The following CADM2 variants were observed in gnomAD, a reference collection of about 807,000 sequenced individuals.
CADM2 encodes immunoglobulin superfamily member 4D.
In CADM2, 12 loss-of-function variants were observed where a neutral mutation model predicts 49.8. The ratio of observed to expected loss-of-function variants is 0.24; its 90% CI spans 0.15 to 0.39. CADM2 has a LOEUF of 0.39. Ranked by LOEUF, CADM2 falls within the 10% of genes least tolerant of loss-of-function variation. The pLI is 1.00. For synonymous variants in CADM2, 214 were observed against 175.4 expected, an observed-to-expected ratio of 1.22 and a Z score of -1.74; for missense variants, 378 against 492.3, an observed-to-expected ratio of 0.77 and a Z score of 2.20.
At chr3:85,192,664 C>G (rs2041236324) in intron 1 of CADM2, among the ~76,000 whole-genome samples, 1 of 150,818 alleles carries the variant, frequency 6.6e-6, no homozygotes, top group African/African-American at 2.4e-5. Flanking sequence ...AAATGAAGAT[C>G]AATGTGAAAT....
chr3:85,353,642 A>T (rs2031570826), intron 1 of CADM2, among the ~76,000 whole-genome samples: 2 of 151,622 alleles, frequency 1.3e-5, no homozygotes, highest in Non-Finnish European at 1.5e-5. Context: ...TTTCTTAACA[A>T]CCACTCATGT....
At chr3:85,541,733 T>TTA (rs1388645950) in intron 1 of CADM2, among the ~76,000 whole-genome samples, 1 of 57,150 alleles carries the variant, frequency 1.7e-5, no homozygotes, top group African/African-American at 5.2e-5. Flanking sequence ...TATATATATT[T>TTA]TATATATATA....
At chr3:85,234,870 T>C (rs1227893470) in intron 1 of CADM2, among the ~76,000 whole-genome samples, 1 of 152,116 alleles carries the variant, frequency 6.6e-6, no homozygotes, top group Non-Finnish European at 1.5e-5. Flanking sequence ...TAAACAAATG[T>C]ATAAAACATA....
chr3:85,515,126 T>G (rs2060860752), intron 1 of CADM2, among the ~76,000 whole-genome samples: 1 of 152,196 alleles, frequency 6.6e-6, no homozygotes, highest in Admixed American at 6.5e-5. Flanking sequence ...AATCCTTTTG[T>G]AATCATCAGA....
chr3:85,942,571 GA>G (rs1412587483), intron 7 of CADM2, among the ~76,000 whole-genome samples: 3 of 149,024 alleles, frequency 2.0e-5, no homozygotes, highest in Non-Finnish European at 3.0e-5. Context: ...ACCTATGAGT[GA>G]GAATATGCGG....
At chr3:85,522,131 A>G (rs2061038230) in intron 1 of CADM2, among the ~76,000 whole-genome samples, 1 of 152,042 alleles carries the variant, frequency 6.6e-6, no homozygotes, top group Non-Finnish European at 1.5e-5. Flanking sequence ...TATTCTGTTC[A>G]TTCATTCAGG....
chr3:86,065,666 T>C lies in CADM2; in HGVS notation c.1032T>C (p.Ala344=), dbSNP rs2107435334. 1.2e-6 allele frequency: 2 copies of C among 1,614,110 alleles called. No individual in the cohort carries two copies. Among genetic ancestry groups the C allele is most frequent in the Non-Finnish European group, 1.7e-6 (2 of 1,179,980 alleles). ...ATGCTCTCATAGGAGGAATAGTGGC[T>C]GTAGTTGTATTTGTCACGCTGTGTT... The part of the protein sequence containing the change: ...PDHALIGGIV[A]VVVFVTLCSI... Residue 344 remains alanine (A), a synonymous_variant, in exon 9 of 10, where the codon GCT becomes GCC. Transcript: ENST00000383699.
intron 7 of CADM2, among the ~76,000 whole-genome samples, chr3:85,942,320 TTG>T (rs2108557286): frequency 1.4e-5 from 1 of 74,006 alleles, no homozygotes; most frequent in African/African-American, 1.4e-4. Flanking sequence ...CCATGCCAAA[TTG>T]TTTTTTTTTG....
At chr3:85,632,694 GT>G (rs1307247465) in intron 1 of CADM2, among the ~76,000 whole-genome samples, 1 of 151,870 alleles carries the variant, frequency 6.6e-6, no homozygotes, top group African/African-American at 2.4e-5. Context: ...TCTCATTGTG[GT>G]GCACTTTTGT....
chr3:85,517,937 A>G (rs1299003964), intron 1 of CADM2, among the ~76,000 whole-genome samples: 2 of 152,120 alleles, frequency 1.3e-5, no homozygotes, highest in Non-Finnish European at 2.9e-5. Flanking sequence ...CCTATGTGAT[A>G]GGCCTCTTTC....
At chr3:85,077,693 A>T (rs747654526) in intron 1 of CADM2, among the ~76,000 whole-genome samples, 1 of 152,132 alleles carries the variant, frequency 6.6e-6, no homozygotes, top group Non-Finnish European at 1.5e-5. Flanking sequence ...CTTAAAATAC[A>T]TTCTCGAAAT....
intron 1 of CADM2, among the ~76,000 whole-genome samples, chr3:85,455,574 C>G (rs1052750298): frequency 2.0e-5 from 3 of 152,156 alleles, no homozygotes; most frequent in African/African-American, 7.2e-5. Context: ...AGACTTCCAA[C>G]AGAAACTAAT....
intron 1 of CADM2, among the ~76,000 whole-genome samples, chr3:85,529,560 C>T (rs2061248672): frequency 6.6e-6 from 1 of 152,058 alleles, no homozygotes; most frequent in African/African-American, 2.4e-5. Flanking sequence ...GTTTTATAGC[C>T]TCTGATCATC....
At chr3:85,210,220 A>T (rs1171765689) in intron 1 of CADM2, among the ~76,000 whole-genome samples, 2 of 152,194 alleles carry the variant, frequency 1.3e-5, no homozygotes, top group Non-Finnish European at 2.9e-5. Context: ...TATTTTTAGC[A>T]TCAATTGAAA....
intron 6 of CADM2, among the ~76,000 whole-genome samples, chr3:85,923,651 A>C (rs1244802580): frequency 1.3e-5 from 2 of 152,130 alleles, no homozygotes; most frequent in Non-Finnish European, 2.9e-5. Context: ...AAACCTGGGC[A>C]ATCCTATAAG....
intron 1 of CADM2, among the ~76,000 whole-genome samples, chr3:85,216,677 A>G (rs1480071017): frequency 6.6e-6 from 1 of 152,054 alleles, no homozygotes; most frequent in Non-Finnish European, 1.5e-5. Context: ...TTACAAAAGC[A>G]TATTAAGGAA....
chr3:85,231,779 C>A (rs1419397631), intron 1 of CADM2, among the ~76,000 whole-genome samples: 1 of 147,394 alleles, frequency 6.8e-6, no homozygotes, highest in African/African-American at 2.5e-5. Context: ...ATGGTGCAAT[C>A]TCGGCTCACT....
At chr3:85,079,631 C>T (rs1389493546) in intron 1 of CADM2, among the ~76,000 whole-genome samples, 1 of 151,754 alleles carries the variant, frequency 6.6e-6, no homozygotes, top group Non-Finnish European at 1.5e-5. Flanking sequence ...CTGAATGCAA[C>T]ACAGTCATTA....
chr3:85,814,876 A>G lies in CADM2; in HGVS notation c.238+12680A>G, dbSNP rs540630586. ...AAACTTCTATTCTATAGTATTCTAT[A>G]GAATATAGAATATTCTACCTATGCA... On this transcript the variant is annotated intron_variant, in intron 3 of 9. Coordinates refer to ENST00000383699, the MANE Select transcript of CADM2 (RefSeq NM_001167675.2). Among the ~76,000 whole-genome samples the G allele has an allele frequency of 2.0e-4, 31 of 152,128 alleles. No homozygotes were observed. In the South Asian group the frequency reaches 6.4e-3, roughly 32 times the overall value.
Sources: gnomAD v4.1 joint callset for allele counts (sites outside exome capture counted in the v4.1 genomes callset) on GRCh38, gnomAD v4.1.1 for gene constraint, MANE v1.5 for transcripts, NCBI Gene and HGNC (gene_info 2026-07-23, HGNC 2026-07-21) for gene names.